Variants in CAGE1 observed in about 807,000 individuals in gnomAD.
CAGE1 encodes cancer-associated gene 1 protein.
CAGE1 carries 66 observed loss-of-function variants against 94.9 expected under a neutral mutation model. The ratio of observed to expected loss-of-function variants is 0.70; its 90% CI spans 0.57 to 0.85. The LOEUF is 0.85. Ranked by LOEUF, CAGE1 falls within the 40% of genes least tolerant of loss-of-function variation. CAGE1 has a pLI of 0.00. For synonymous variants in CAGE1, 319 were observed against 321.0 expected, an observed-to-expected ratio of 0.99 and a Z score of 0.07; for missense variants, 865 against 950.4, an observed-to-expected ratio of 0.91 and a Z score of 1.18.
intron 2 of CAGE1, among the ~76,000 whole-genome samples, 160 bp downstream of exon 2, chr6:7,386,819 G>A (rs549451106): frequency 3.9e-5 from 6 of 152,224 alleles, no homozygotes; most frequent in East Asian, 3.9e-4. Flanking sequence ...TGTATCTTAC[G>A]CTAGCGAAAC....
intron 5 of CAGE1, among the ~76,000 whole-genome samples, chr6:7,370,989 T>C (rs1648435278): frequency 6.6e-6 from 1 of 152,170 alleles, no homozygotes; most frequent in African/African-American, 2.4e-5. Flanking sequence ...CAAAATAAAA[T>C]AAGGAACTTA....
At chr6:7,348,727 T>C (rs1028563620) in intron 11 of CAGE1, among the ~76,000 whole-genome samples, 9 of 151,968 alleles carry the variant, frequency 5.9e-5, no homozygotes, top group African/African-American at 1.7e-4. Flanking sequence ...AAAAAAAAAC[T>C]TCAGGAAACA....
At chr6:7,340,090 T>C (rs963644195) in intron 11 of CAGE1, among the ~76,000 whole-genome samples, 1 of 152,228 alleles carries the variant, frequency 6.6e-6, no homozygotes, top group African/African-American at 2.4e-5. Flanking sequence ...TGTTATTTTT[T>C]GATTTTTTGA....
chr6:7,337,812 CA>C (rs1186240323), intron 11 of CAGE1, among the ~76,000 whole-genome samples: 62 of 152,248 alleles, frequency 4.1e-4, no homozygotes, highest in African/African-American at 1.4e-3. Flanking sequence ...CCTTCTTTAT[CA>C]GAGTTCTTTC....
chr6:7,388,687 T>C (rs1424728169), intron 1 of CAGE1, among the ~76,000 whole-genome samples: 3 of 152,232 alleles, frequency 2.0e-5, no homozygotes, highest in African/African-American at 7.2e-5. Flanking sequence ...GAATGAATAG[T>C]TTATTGAAAA....
intron 13 of CAGE1, 99 bp downstream of exon 13, chr6:7,329,750 T>G: frequency 1.5e-6 from 1 of 654,424 alleles, no homozygotes; most frequent in Non-Finnish European, 2.8e-6. Flanking sequence ...GGTTGCACAG[T>G]ATGGAAATGT....
intron 11 of CAGE1, among the ~76,000 whole-genome samples, chr6:7,345,498 A>G (rs1759447273): frequency 1.3e-5 from 2 of 152,200 alleles, no homozygotes; most frequent in East Asian, 1.9e-4. Context: ...CTCACATTAT[A>G]TTTCAGCAAG....
chr6:7,373,222 G>C lies in CAGE1; in HGVS notation c.1597C>G (p.Leu533Val). The C allele has an allele frequency of 6.2e-7, 1 of 1,610,874 alleles. No individual in the cohort carries two copies. Among genetic ancestry groups the C allele is most frequent in the Non-Finnish European group, 8.5e-7 (1 of 1,178,180 alleles). ...TTTACTTCGTTGATTTGCTGCTGAA[G>C]TTTTATATTCTTCGTTCTTTCATTT... ...SENERTKNIKLQQQINEVKNE... is the reference protein window; with the variant it reads ...SENERTKNIKVQQQINEVKNE... Residue 533 changes from leucine (L) to valine (V), a missense_variant, in exon 5 of 14, where the codon CTT (leucine) becomes GTT (valine). By Grantham distance (32) the Leu-to-Val change is conservative (BLOSUM62 1). Transcript: ENST00000502583.
intron 3 of CAGE1, among the ~76,000 whole-genome samples, chr6:7,379,237 A>G (rs997014941): frequency 6.6e-6 from 1 of 152,246 alleles, no homozygotes; most frequent in African/African-American, 2.4e-5. Context: ...GACTGCTAGG[A>G]AAAAGTGTGT....
chr6:7,380,009 T>C (rs1760878406), intron 3 of CAGE1, among the ~76,000 whole-genome samples: 1 of 152,232 alleles, frequency 6.6e-6, no homozygotes, highest in South Asian at 2.1e-4. Flanking sequence ...GGATGTACAC[T>C]GTTAGGCACC....
rs977888417 is a variant in CAGE1, at chr6:7,389,214, C to T, written c.-36G>A. On this transcript the variant is annotated 5_prime_UTR_variant, in exon 1 of 14. Transcript: ENST00000502583. ...AGACAAACTTTACCTTTTTAAAAAG[C>T]ACTTATCTCATTCATTTTTCACCTC... The T allele has an allele frequency of 8.8e-6, 4 of 455,504 alleles. No homozygotes were observed. The highest frequency in any genetic ancestry group is 1.8e-5 in the Non-Finnish European group (4 of 226,676). The allele number at this position is 455,504 out of a possible 1,614,324, so 28.2% of individuals were successfully genotyped here. A position where few individuals can be genotyped will look rare whatever the true frequency, so the allele number is the denominator to read the frequency against.
chr6:7,349,391 A>G (rs533835320), intron 11 of CAGE1, among the ~76,000 whole-genome samples: 31 of 152,330 alleles, frequency 2.0e-4, no homozygotes, highest in African/African-American at 7.0e-4. Context: ...AGCCACCACT[A>G]CAAGAACTGC....
Position 7,339,111 on chromosome 6 carries a change from A to G in CAGE1, c.2370-5021T>C. ...TCTGCTGTGGATCATCAGGCCGTCCACAAACTTCATGGATTTAGCTCTCTG... is the reference window on the plus strand; with the variant it reads ...TCTGCTGTGGATCATCAGGCCGTCCGCAAACTTCATGGATTTAGCTCTCTG... On this transcript the variant is annotated intron_variant, in intron 11 of 13. Transcript: ENST00000502583. The surrounding 1 kb of genome is among the most constrained non-coding windows in gnomAD (Gnocchi z 4.7). 2 of 1,584,546 alleles carry G rather than the reference A, an allele frequency of 1.3e-6. No homozygotes were observed. Among genetic ancestry groups the G allele is most frequent in the Admixed American group, 3.3e-5 (2 of 59,976 alleles).
chr6:7,352,316 CA>C (rs70978959), intron 11 of CAGE1, among the ~76,000 whole-genome samples: 11,526 of 91,256 alleles, frequency 0.13, 689 homozygotes, highest in East Asian at 0.29. Context: ...CAAAAAAAAA[CA>C]AAAAAAAAAA....
intron 11 of CAGE1, among the ~76,000 whole-genome samples, chr6:7,342,227 GCA>G (rs1759206898): frequency 6.6e-6 from 1 of 152,196 alleles, no homozygotes; most frequent in African/African-American, 2.4e-5. Flanking sequence ...GAAGGAAGAG[GCA>G]CTTGGAGCTC....
chr6:7,359,259 C>CTGGT (rs1760089667), intron 9 of CAGE1, among the ~76,000 whole-genome samples: 4 of 152,166 alleles, frequency 2.6e-5, no homozygotes, highest in African/African-American at 9.7e-5. Context: ...GTTGGTCAGG[C>CTGGT]TGGTCTCAAA....
At chr6:7,381,327 G>T (rs1187283093) in intron 3 of CAGE1, among the ~76,000 whole-genome samples, 1 of 152,180 alleles carries the variant, frequency 6.6e-6, no homozygotes, top group Non-Finnish European at 1.5e-5. Context: ...AAGGCCATGT[G>T]AGACACTGCA....
intron 11 of CAGE1, among the ~76,000 whole-genome samples, chr6:7,336,541 G>C (rs951765332): frequency 6.6e-6 from 1 of 152,022 alleles, no homozygotes; most frequent in South Asian, 2.1e-4. Flanking sequence ...ACAGAGTCTT[G>C]ATCTGTCGCC....
At chr6:7,340,365 T>C (rs1299841594) in intron 11 of CAGE1, among the ~76,000 whole-genome samples, 1 of 152,210 alleles carries the variant, frequency 6.6e-6, no homozygotes, top group Non-Finnish European at 1.5e-5. Flanking sequence ...ACTCTGTGGG[T>C]TGTCTGTTTA....
Sources: allele counts gnomAD v4.1 joint callset (sites outside exome capture counted in the v4.1 genomes callset), GRCh38; gene constraint gnomAD v4.1.1; non-coding constraint Gnocchi (gnomAD v3.1); transcripts MANE v1.5; gene names NCBI Gene and HGNC (gene_info 2026-07-23, HGNC 2026-07-21).